The following FGD5 variants were observed in gnomAD, a reference collection of about 807,000 sequenced individuals.
The protein encoded by FGD5 is FYVE, RhoGEF and PH domain containing 5, also known as FYVE, RhoGEF and PH domain-containing protein 5.
FGD5 carries 28 observed loss-of-function variants against 133.4 expected under a neutral mutation model. The ratio of observed to expected loss-of-function variants is 0.21; its 90% CI spans 0.16 to 0.29. The LOEUF is 0.29. FGD5 is among the 10% of genes least tolerant of loss of function. The pLI, the probability that FGD5 is intolerant of heterozygous loss-of-function variation, is 1.00. For synonymous variants in FGD5, 810 were observed against 776.5 expected (o/e 1.04, Z -0.72); for missense variants, 1,858 against 1,895.2 (o/e 0.98, Z 0.36).
At chr3:14,834,796 G>A (rs2036784263) in intron 1 of FGD5, among the ~76,000 whole-genome samples, 3 of 152,118 alleles carry the variant, frequency 2.0e-5, no homozygotes, top group Admixed American at 2.0e-4. Context: ...GGGGTAAATA[G>A]CTTTTGGATC....
intron 4 of FGD5, among the ~76,000 whole-genome samples, chr3:14,893,756 T>C (rs1279109147): frequency 1.0e-4 from 14 of 135,824 alleles, no homozygotes; most frequent in Admixed American, 6.6e-4. Context: ...TTTTTTCTTT[T>C]TTTTTTTTTT....
At chr3:14,887,413 C>T (rs1349407333) in intron 4 of FGD5, among the ~76,000 whole-genome samples, 1 of 152,072 alleles carries the variant, frequency 6.6e-6, no homozygotes, top group Non-Finnish European at 1.5e-5. Context: ...CATGGGGGTG[C>T]ATGCCTGTAG....
intron 4 of FGD5, among the ~76,000 whole-genome samples, chr3:14,882,091 T>G (rs374908251): frequency 6.6e-6 from 1 of 152,218 alleles, no homozygotes; most frequent in African/African-American, 2.4e-5. Flanking sequence ...AAGCCTTGTG[T>G]GCACTCTTGA....
chr3:14,883,690 T>C (rs1178633661), intron 4 of FGD5, among the ~76,000 whole-genome samples: 1 of 152,232 alleles, frequency 6.6e-6, no homozygotes, highest in Non-Finnish European at 1.5e-5. Context: ...GCTCTGAACC[T>C]GCCCTTGAGT....
chr3:14,860,628 A>G (rs1040517030), intron 1 of FGD5, among the ~76,000 whole-genome samples: 8 of 152,178 alleles, frequency 5.3e-5, no homozygotes, highest in Non-Finnish European at 7.3e-5. Flanking sequence ...TGAGCAAGAT[A>G]ACTTTAGTCA....
chr3:14,868,719 G>C (rs574832439), intron 2 of FGD5, among the ~76,000 whole-genome samples: 10 of 152,192 alleles, frequency 6.6e-5, no homozygotes, highest in Non-Finnish European at 1.0e-4. Context: ...TTTCTCCACT[G>C]TCTGCCTCTC....
intron 1 of FGD5, among the ~76,000 whole-genome samples, chr3:14,863,658 C>G (rs2037441250): frequency 6.6e-6 from 1 of 152,186 alleles, no homozygotes; most frequent in African/African-American, 2.4e-5. Context: ...TGAGCTATGT[C>G]TTGTCTGCAA....
At chr3:14,927,105 A>T (rs1255076012) in intron 18 of FGD5, among the ~76,000 whole-genome samples, 1 of 152,168 alleles carries the variant, frequency 6.6e-6, no homozygotes, top group South Asian at 2.1e-4. Context: ...TTGGAGCCAT[A>T]CTTAAACACT....
At chr3:14,876,354 C>A (rs2037719609) in intron 2 of FGD5, among the ~76,000 whole-genome samples, 1 of 152,188 alleles carries the variant, frequency 6.6e-6, no homozygotes, top group South Asian at 2.1e-4. Flanking sequence ...GACCCACCTC[C>A]CCTCTTAAAA....
chr3:14,873,656 T>C (rs1032483271), intron 2 of FGD5, among the ~76,000 whole-genome samples: 3 of 151,970 alleles, frequency 2.0e-5, no homozygotes, highest in African/African-American at 7.3e-5. Context: ...GTGAGAGAGC[T>C]GAAAGGAGCA....
In FGD5 at chr3:14,880,573, T is replaced by C; in HGVS notation, c.2660T>C (p.Val887Ala). Reference protein sequence around the residue: ...ASRDPSVTHKVEGQSRALVIA... With the variant: ...ASRDPSVTHKAEGQSRALVIA... ...TGATTGCTCTCTTTCCTCCCACAGG[T>C]GGAAGGACAGTCCAGAGCCCTTGTC... The change falls in exon 3 of 20, where the codon GTG becomes GCG. Residue 887 changes from valine to alanine, a missense_variant and splice_region_variant. By Grantham distance (64) the Val-to-Ala change is moderately conservative. Transcript: ENST00000285046. The C allele has an allele frequency of 6.2e-7, 1 of 1,613,754 alleles. No individual in the cohort carries two copies.
intron 1 of FGD5, among the ~76,000 whole-genome samples, chr3:14,861,627 C>T (rs1282736791): frequency 7.9e-5 from 12 of 152,164 alleles, no homozygotes; most frequent in Admixed American, 6.5e-4. Flanking sequence ...GTTTGGCTTC[C>T]GTGAGCCCTC....
At chr3:14,843,455 T>A (rs2036963510) in intron 1 of FGD5, among the ~76,000 whole-genome samples, 2 of 152,142 alleles carry the variant, frequency 1.3e-5, no homozygotes, top group African/African-American at 4.8e-5. Context: ...TTAGACGCTC[T>A]CTCAGGGACG....
rs757177669 is a variant in FGD5, at chr3:14,898,763, A to G, written c.3091A>G (p.Thr1031Ala). ...GCAGAGTGTACAAGGAGGCAGCCAGACTGCGAAGCATCGGCTGCTGCGGGT... is the reference window on the plus strand; with the variant it reads ...GCAGAGTGTACAAGGAGGCAGCCAGGCTGCGAAGCATCGGCTGCTGCGGGT... The part of the protein sequence containing the change: ...FEQSVQGGSQ[T>A]AKHRLLRVVQ... Residue 1031 changes from threonine (T) to alanine (A), a missense_variant, in exon 7 of 20, where the codon ACT (threonine) becomes GCT (alanine). Thr to Ala is a moderately conservative substitution (Grantham distance 58). Transcript: ENST00000285046. The G allele has an allele frequency of 1.9e-6, 3 of 1,586,886 alleles. No homozygotes were observed. Among genetic ancestry groups the G allele is most frequent in the East Asian group, 4.6e-5 (2 of 43,330 alleles).
At position 14,844,255 on chromosome 3, in the gene FGD5, T is replaced by A. The variant is rs1436426445; in HGVS notation, c.2526-19873T>A. 6.7e-3 allele frequency among the ~76,000 whole-genome samples: 439 copies of A among 65,934 alleles called. 23 individuals carry two copies. Among genetic ancestry groups the A allele is most frequent in the Non-Finnish European group, 9.3e-3 (320 of 34,238 alleles). 43.3% of individuals were successfully genotyped at this position (65,934 alleles called of 152,430 possible). On this transcript the variant is annotated intron_variant, in intron 1 of 19. Coordinates refer to ENST00000285046, the MANE Select transcript of FGD5 (RefSeq NM_152536.4). ...ATATATATATATATATATATATATATATATATATATATATATAATGCAGGT... is the reference window on the plus strand; with the variant it reads ...ATATATATATATATATATATATATAAATATATATATATATATAATGCAGGT...
chr3:14,890,200 T>A (rs893965529), intron 4 of FGD5, among the ~76,000 whole-genome samples: 2 of 152,174 alleles, frequency 1.3e-5, no homozygotes, highest in Non-Finnish European at 2.9e-5. Context: ...GATGCTTACC[T>A]CTTGTCTCAG....
At position 14,820,308 on chromosome 3, in the gene FGD5, G is replaced by T; in HGVS notation, c.1237G>T (p.Val413Leu). The change falls in exon 1 of 20, where the codon GTG becomes TTG. Residue 413 changes from valine (V) to leucine (L), a missense_variant. Coordinates refer to ENST00000285046, the MANE Select transcript of FGD5 (RefSeq NM_152536.4). ...GAAEGPAAPD[V>L]VVVLEEEALD... ...GGCCGAGGGTCCCGCAGCCCCTGAT[G>T]TGGTGGTCGTGCTGGAGGAGGAGGC... 6.2e-7 allele frequency: 1 copy of T among 1,607,892 alleles called. No homozygotes were observed. The highest frequency in any genetic ancestry group is 8.5e-7 in the Non-Finnish European group (1 of 1,176,608).
chr3:14,815,535 A>T (rs79853088), upstream of FGD5, among the ~76,000 whole-genome samples: 364 of 152,282 alleles, frequency 2.4e-3, 3 homozygotes, highest in African/African-American at 8.1e-3. Context: ...GGCCTGGCAC[A>T]TAGTTGGTAC....
At chr3:14,891,868 A>C in intron 4 of FGD5, among the ~76,000 whole-genome samples, 1 of 150,372 alleles carries the variant, frequency 6.7e-6, no homozygotes, top group East Asian at 2.0e-4. Flanking sequence ...ATCTCCCTTC[A>C]TGCCCCCTTC....
Sources: allele counts gnomAD v4.1 joint callset (sites outside exome capture counted in the v4.1 genomes callset), GRCh38; gene constraint gnomAD v4.1.1; transcripts MANE v1.5; gene names NCBI Gene and HGNC (gene_info 2026-07-23, HGNC 2026-07-21).